The following TBC1D4 variants were observed in gnomAD, a reference collection of about 807,000 sequenced individuals.
The protein encoded by TBC1D4 is TBC (Tre-2, BUB2, CDC16) domain-containing protein.
A neutral mutation model predicts 142.5 loss-of-function variants in TBC1D4; 121 were observed. That is an observed-to-expected ratio of 0.85 (90% CI 0.73 to 0.99). The LOEUF (loss-of-function observed/expected upper bound fraction) is 0.99. TBC1D4 is among the 50% of genes least tolerant of loss of function. The probability of loss-of-function intolerance (pLI) is 0.00; values close to 1 mark genes in which losing one functional copy is unlikely to be tolerated. For missense variants in TBC1D4, 1,475 were observed against 1,606.6 expected, an observed-to-expected ratio of 0.92 and a Z score of 1.40; for synonymous variants, 630 against 628.2, an observed-to-expected ratio of 1.00 and a Z score of -0.04.
rs940400054 is a variant in TBC1D4, at chr13:75,349,031, T to A, written c.1408+139A>T. The A allele has an allele frequency of 4.0e-6, 5 of 1,253,262 alleles. No individual in the cohort carries two copies. The African/African-American group carries it at 6.0e-5, about 15-fold the overall frequency. 77.6% of individuals were successfully genotyped at this position (1,253,262 alleles called of 1,614,324 possible). ...AGCAGAGATTGACAGCCCACTCACA[T>A]TTGAGTGGACATGAGAAATGATTCT... On this transcript the variant is annotated intron_variant, in intron 5 of 20. Coordinates refer to ENST00000377636, the MANE Select transcript of TBC1D4 (RefSeq NM_014832.5).
At chr13:75,321,227 TC>T (rs1309308259) in intron 11 of TBC1D4, among the ~76,000 whole-genome samples, 1 of 152,092 alleles carries the variant, frequency 6.6e-6, no homozygotes, top group Non-Finnish European at 1.5e-5. Flanking sequence ...GTTCCAGATA[TC>T]ATAGTAATTA....
At position 75,286,764 on chromosome 13, in the gene TBC1D4, A is replaced by G; in HGVS notation, c.*28T>C. 4 of 1,605,436 alleles carry G rather than the reference A, an allele frequency of 2.5e-6. No individual in the cohort carries two copies. Among genetic ancestry groups the G allele is most frequent in the Non-Finnish European group, 3.4e-6 (4 of 1,174,176 alleles). ...TCCTCTCTGTAGTATTCTAAGGAGC[A>G]CTTTCTGCTGAGGCCGTGCCTCTTC... On this transcript the variant is annotated 3_prime_UTR_variant, in exon 21 of 21. Transcript: ENST00000377636.
At chr13:75,301,396 C>T (rs1397446503) in intron 16 of TBC1D4, among the ~76,000 whole-genome samples, 1 of 152,094 alleles carries the variant, frequency 6.6e-6, no homozygotes, top group South Asian at 2.1e-4. Context: ...AATCCCAGCA[C>T]TCTGGGAGGC....
chr13:75,435,715 T>C (rs969672121), intron 1 of TBC1D4, among the ~76,000 whole-genome samples: 4 of 152,150 alleles, frequency 2.6e-5, no homozygotes, highest in African/African-American at 7.2e-5. Flanking sequence ...TCTGGGAGTT[T>C]CTTGAAGAAA....
At chr13:75,404,063 T>TACACACACACACAC (rs1345766063) in intron 1 of TBC1D4, among the ~76,000 whole-genome samples, 17,127 of 148,974 alleles carry the variant, frequency 0.11, 1,002 homozygotes, top group Middle Eastern at 0.17. Flanking sequence ...TATATATACA[T>TACACACACACACAC]ACACACACAC....
In TBC1D4 at chr13:75,327,797, T is replaced by C. The variant is rs767120749; in HGVS notation, c.1761A>G (p.Gly587=). 7.4e-6 allele frequency: 12 copies of C among 1,613,902 alleles called. No homozygotes were observed. The South Asian group carries it at 1.3e-4, about 18-fold the overall frequency. ...RGANRMRGRL[G]SVDSFERSNS... is the part of the protein sequence containing the mutation. ...TGGACCGTTCAAAACTGTCCACACT[T>C]CCAAGCCGACCTCTCATTCTGTTAG... is the stretch of plus-strand genomic sequence containing the variant. The change falls in exon 9 of 21, where the codon GGA becomes GGG. Residue 587 remains glycine, a synonymous_variant. Transcript: ENST00000377636.
At chr13:75,430,160 T>C (rs994219063) in intron 1 of TBC1D4, among the ~76,000 whole-genome samples, 56 of 152,164 alleles carry the variant, frequency 3.7e-4, no homozygotes, top group African/African-American at 1.2e-3. Flanking sequence ...TCTCACAATA[T>C]CTGTAGCTAC....
At chr13:75,303,886 T>C (rs2137898017) in intron 15 of TBC1D4, among the ~76,000 whole-genome samples, 1 of 152,334 alleles carries the variant, frequency 6.6e-6, no homozygotes, top group Non-Finnish European at 1.5e-5. Flanking sequence ...GCTCCCTCGC[T>C]TGACTTCCCA....
intron 12 of TBC1D4, among the ~76,000 whole-genome samples, chr13:75,313,385 T>C (rs1157052707): frequency 6.6e-6 from 1 of 152,210 alleles, no homozygotes; most frequent in African/African-American, 2.4e-5. Flanking sequence ...CTACCAACAG[T>C]TGAATCATGG....
At chr13:75,420,012 GAGA>G (rs1381742603) in intron 1 of TBC1D4, among the ~76,000 whole-genome samples, 2 of 152,192 alleles carry the variant, frequency 1.3e-5, no homozygotes, top group African/African-American at 2.4e-5. Context: ...GGGCAGAAAT[GAGA>G]AGAACACTGC....
chr13:75,354,387 A>C (rs1881867220), intron 4 of TBC1D4, among the ~76,000 whole-genome samples: 1 of 152,230 alleles, frequency 6.6e-6, no homozygotes, highest in South Asian at 2.1e-4. Flanking sequence ...CAAGGGCCCA[A>C]GTAAAGAAGA....
intron 1 of TBC1D4, among the ~76,000 whole-genome samples, chr13:75,379,502 C>T (rs1883698997): frequency 6.6e-6 from 1 of 152,082 alleles, no homozygotes; most frequent in African/African-American, 2.4e-5. Flanking sequence ...AACATGAGTT[C>T]AATACTTAAT....
chr13:75,289,216 A>G, intron 19 of TBC1D4, 106 bp from the exon 20 acceptor site: 1 of 1,379,208 alleles, frequency 7.3e-7, no homozygotes, highest in Middle Eastern at 1.8e-4. Context: ...CTTATTAATG[A>G]AGAACATTAA....
rs1045123694 is a variant in TBC1D4, at chr13:75,367,400, C to T, written c.499-4793G>A. 1.3e-5 allele frequency among the ~76,000 whole-genome samples: 2 copies of T among 151,950 alleles called. 1 individual carries two copies. Among genetic ancestry groups the T allele is most frequent in the South Asian group, 4.2e-4 (2 of 4,804 alleles). On this transcript the variant is annotated intron_variant, in intron 1 of 20. Coordinates refer to ENST00000377636, the MANE Select transcript of TBC1D4 (RefSeq NM_014832.5). Reference sequence around the variant, plus strand: ...CGGATATCAGCGTGAGAATAAGCTTCCTAAAACATATTTAAACAAAAAAGA... The same window carrying T: ...CGGATATCAGCGTGAGAATAAGCTTTCTAAAACATATTTAAACAAAAAAGA...
intron 10 of TBC1D4, 61 bp downstream of exon 10, chr13:75,326,136 G>T: frequency 6.4e-7 from 1 of 1,565,690 alleles, no homozygotes. Flanking sequence ...CTTGACTCCA[G>T]AGTAATCAAA....
intron 11 of TBC1D4, among the ~76,000 whole-genome samples, chr13:75,320,990 A>C (rs2137983457): frequency 1.3e-5 from 2 of 151,198 alleles, no homozygotes; most frequent in East Asian, 3.9e-4. Flanking sequence ...CAGTGAGCTG[A>C]GATTGAGCCA....
At chr13:75,387,735 C>G (rs770600851) in intron 1 of TBC1D4, among the ~76,000 whole-genome samples, 16 of 152,190 alleles carry the variant, frequency 1.1e-4, no homozygotes, top group Non-Finnish European at 2.1e-4. Context: ...CTATGTCTGC[C>G]TAACACCCAA....
chr13:75,449,558 C>T (rs113219741), intron 1 of TBC1D4, among the ~76,000 whole-genome samples: 2,609 of 150,650 alleles, frequency 0.017, 116 homozygotes, highest in Admixed American at 0.091. Context: ...CACACACAGA[C>T]GCGCACACAC....
intron 1 of TBC1D4, among the ~76,000 whole-genome samples, chr13:75,475,638 G>T (rs1209519287): frequency 6.6e-6 from 1 of 152,134 alleles, no homozygotes; most frequent in Non-Finnish European, 1.5e-5. Context: ...TAATATACCA[G>T]ATAATCTAGA....
Sources: gnomAD v4.1 joint callset for allele counts (sites outside exome capture counted in the v4.1 genomes callset) on GRCh38, gnomAD v4.1.1 for gene constraint, MANE v1.5 for transcripts, NCBI Gene and HGNC (gene_info 2026-07-23, HGNC 2026-07-21) for gene names.